The following MACF1 variants were observed in gnomAD, a reference collection of about 807,000 sequenced individuals.
MACF1 encodes the protein microtubule actin crosslinking factor 1, also known as microtubule-actin cross-linking factor 1.
Under a neutral mutation model 854.8 loss-of-function variants are expected in MACF1, and 193 were observed. That is an observed-to-expected ratio of 0.23 (90% CI 0.20 to 0.25). The LOEUF is 0.25. Ranked by LOEUF, MACF1 falls within the 10% of genes least tolerant of loss-of-function variation. The pLI, the probability that MACF1 is intolerant of heterozygous loss-of-function variation, is 1.00. For synonymous variants in MACF1, 3,185 were observed against 3,226.7 expected, an observed-to-expected ratio of 0.99 and a Z score of 0.44; for missense variants, 7,722 against 8,929.1, an observed-to-expected ratio of 0.86 and a Z score of 5.45.
At chr1:39,242,826 C>T (rs968137563) in intron 2 of MACF1, among the ~76,000 whole-genome samples, 1 of 151,970 alleles carries the variant, frequency 6.6e-6, no homozygotes, top group South Asian at 2.1e-4. Context: ...GAGATGATCT[C>T]TTGAGGCCAG....
intron 83 of MACF1, 90 bp downstream of exon 83, chr1:39,448,242 G>A: frequency 2.8e-6 from 4 of 1,419,774 alleles, no homozygotes; most frequent in Non-Finnish European, 3.8e-6. Context: ...CTAGTAAAAA[G>A]AAAACCAATT....
intron 2 of MACF1, among the ~76,000 whole-genome samples, chr1:39,190,581 C>T (rs1644243770): frequency 6.6e-6 from 1 of 151,770 alleles, no homozygotes; most frequent in South Asian, 2.1e-4. Flanking sequence ...CTCAAGAAAT[C>T]TGCCCTCTCG....
chr1:39,225,393 T>A (rs1644705016), intron 1 of MACF1, among the ~76,000 whole-genome samples: 1 of 151,074 alleles, frequency 6.6e-6, no homozygotes, highest in African/African-American at 2.4e-5. Context: ...ATTTTTTGTA[T>A]TTTTAGTAGA....
At chr1:39,384,256 G>A (rs1196297419) in intron 56 of MACF1, among the ~76,000 whole-genome samples, 2 of 152,030 alleles carry the variant, frequency 1.3e-5, no homozygotes, top group African/African-American at 2.4e-5. Flanking sequence ...TCACAGTTCT[G>A]TGTTGCGTGT....
chr1:39,259,408 C>T (rs1181211663), intron 6 of MACF1, among the ~76,000 whole-genome samples: 1 of 151,072 alleles, frequency 6.6e-6, no homozygotes, highest in Non-Finnish European at 1.5e-5. Flanking sequence ...ATTACAGGCA[C>T]CTGCCAACAT....
At chr1:39,261,756 T>C (rs1645166111) in intron 6 of MACF1, among the ~76,000 whole-genome samples, 2 of 152,230 alleles carry the variant, frequency 1.3e-5, no homozygotes, top group South Asian at 2.1e-4. Flanking sequence ...ATAAATAAAG[T>C]TATTTGCATA....
intron 2 of MACF1, among the ~76,000 whole-genome samples, chr1:39,199,480 A>G (rs1644363428): frequency 6.6e-6 from 1 of 151,944 alleles, no homozygotes; most frequent in Non-Finnish European, 1.5e-5. Context: ...TCCTGTCTCT[A>G]CAGAAAAAAA....
At chr1:39,212,698 C>T (rs1644531263) in intron 1 of MACF1, among the ~76,000 whole-genome samples, 1 of 152,180 alleles carries the variant, frequency 6.6e-6, no homozygotes, top group Admixed American at 6.5e-5. Context: ...TCTCGGCTCA[C>T]AGCAACCTCT....
intron 2 of MACF1, chr1:39,249,783 A>T (rs887834525): frequency 4.9e-5 from 18 of 370,080 alleles, no homozygotes; most frequent in African/African-American, 3.8e-4. Context: ...TGTTGGTTAG[A>T]GTGTGTAATA....
In MACF1 at chr1:39,317,621, T is replaced by A. The variant is rs367778367; in HGVS notation, c.3782+214T>A. 3.3e-5 allele frequency among the ~76,000 whole-genome samples: 5 copies of A among 152,208 alleles called. No homozygotes were observed. In the East Asian group the frequency reaches 9.6e-4, roughly 29 times the overall value. On this transcript the variant is annotated intron_variant, in intron 29 of 100. Transcript: ENST00000564288. The stretch of plus-strand genomic sequence containing the variant: ...TAATGCCTCTCCTGTGTCCCAGGTC[T>A]TTTCTAGTTAAGCCACTGATGACAA...
At chr1:39,415,716 G>A (rs377485705) in intron 58 of MACF1, among the ~76,000 whole-genome samples, 5 of 152,184 alleles carry the variant, frequency 3.3e-5, no homozygotes, top group African/African-American at 9.6e-5. Flanking sequence ...AGTTGGAAAC[G>A]ATGTTCCACA....
intron 20 of MACF1, among the ~76,000 whole-genome samples, chr1:39,296,767 G>A (rs1382654944): frequency 1.1e-4 from 8 of 75,510 alleles, no homozygotes; most frequent in Admixed American, 2.8e-4. Flanking sequence ...AGGAAGGAAG[G>A]AAGGAAAAGA....
At chr1:39,308,983 G>C (rs1184605679) in intron 23 of MACF1, among the ~76,000 whole-genome samples, 1 of 152,092 alleles carries the variant, frequency 6.6e-6, no homozygotes, top group Non-Finnish European at 1.5e-5. Flanking sequence ...TTCTTAAGCT[G>C]CTATTAATTT....
upstream of MACF1, among the ~76,000 whole-genome samples, chr1:39,201,695 A>T (rs1644391490): frequency 2.6e-5 from 4 of 151,938 alleles, no homozygotes; most frequent in African/African-American, 9.7e-5. Flanking sequence ...TTACTGTCTC[A>T]CACAAAGCCC....
At chr1:39,287,688 T>C in intron 15 of MACF1, 126 bp downstream of exon 15, 2 of 1,083,204 alleles carry the variant, frequency 1.8e-6, no homozygotes, top group Non-Finnish European at 2.7e-6. Flanking sequence ...TTCTTTTATT[T>C]GAGTGATGGG....
chr1:39,105,719 T>C lies in MACF1; in HGVS notation c.220+21281T>C, dbSNP rs1172872676. The stretch of plus-strand genomic sequence containing the variant: ...AGGATGTGCTGGAGCGGTACAAAGG[T>C]AGGGCCGGGGACTGGCCGGCGCTGA... On this transcript the variant is annotated intron_variant, in intron 2 of 93. Transcript: ENST00000361689. This position sits in a 1 kb window ranked among gnomAD's most constrained non-coding sequence, Gnocchi z 5.9. 1 of 1,184,536 alleles carries C rather than the reference T, an allele frequency of 8.4e-7. No individual in the cohort carries two copies. Among genetic ancestry groups the C allele is most frequent in the South Asian group, 1.5e-5 (1 of 66,582 alleles). The allele number at this position is 1,184,536 out of a possible 1,614,324, so 73.4% of individuals were successfully genotyped here. A position where few individuals can be genotyped will look rare whatever the true frequency, so the allele number is the denominator to read the frequency against.
intron 58 of MACF1, among the ~76,000 whole-genome samples, chr1:39,406,713 CGACAGAGTGA>C (rs1168036689): frequency 2.5e-5 from 3 of 120,738 alleles, no homozygotes; most frequent in African/African-American, 6.9e-5. Context: ...CCAGTCTAGG[CGACAGAGTGA>C]GACAGAGTCT....
chr1:39,335,383 C>G lies in MACF1; in HGVS notation c.8795C>G (p.Ser2932Cys). The stretch of plus-strand genomic sequence containing the variant: ...AAGCAGTCTACCTCATGTCTAGATT[C>G]TGAAGAAATAAGAGAAAATCAAGGG... ...HMKQSTSCLD[S>C]EEIRENQGEV... Residue 2932 changes from serine to cysteine, a missense_variant, in exon 37 of 101, where the codon TCT becomes TGT. Physicochemically the swap from Ser to Cys is moderately radical, Grantham distance 112. Around this residue, in one of 15 missense-constraint regions of MACF1, gnomAD observed 854 missense variants for 852.6 expected, o/e 1.00. Transcript: ENST00000564288. 1 of 1,613,888 alleles carries G rather than the reference C, an allele frequency of 6.2e-7. No individual in the cohort carries two copies. The highest frequency in any genetic ancestry group is 8.5e-7 in the Non-Finnish European group (1 of 1,179,912).
chr1:39,303,296 C>G lies in MACF1; in HGVS notation c.2789+218C>G, dbSNP rs1363479317. Among the ~76,000 whole-genome samples, 3 of 152,296 alleles carry G rather than the reference C, an allele frequency of 2.0e-5. No homozygotes were observed. In the East Asian group the frequency reaches 5.8e-4, roughly 29 times the overall value. On this transcript the variant is annotated intron_variant, in intron 23 of 100. Coordinates refer to ENST00000564288, the MANE Select transcript of MACF1 (RefSeq NM_001394062.1). ...AGCTGGAGTATCTTCAGTGATATTT[C>G]TTTTTTAAAGAACTCCTGGTTATAA...
Sources: gnomAD v4.1 joint callset for allele counts (sites outside exome capture counted in the v4.1 genomes callset) on GRCh38, gnomAD v4.1.1 for gene constraint, gnomAD v4.1.1 regional missense constraint, Gnocchi (gnomAD v3.1) non-coding constraint, MANE v1.5 for transcripts, NCBI Gene and HGNC (gene_info 2026-07-23, HGNC 2026-07-21) for gene names.